LRRC63: variants seen among roughly 807,000 people sequenced by gnomAD.
The protein encoded by LRRC63 is leucine rich repeat containing 63.
A neutral mutation model predicts 49.5 loss-of-function variants in LRRC63; 40 were observed. The ratio of observed to expected loss-of-function variants is 0.81; its 90% CI spans 0.63 to 1.05. The LOEUF is 1.05. LRRC63 is among the 50% of genes least tolerant of loss of function. The pLI, the probability that LRRC63 is intolerant of heterozygous loss-of-function variation, is 0.00. For synonymous variants in LRRC63, 191 were observed against 221.1 expected, an observed-to-expected ratio of 0.86 and a Z score of 1.21; for missense variants, 636 against 663.1, an observed-to-expected ratio of 0.96 and a Z score of 0.45.
At chr13:46,263,608 G>A (rs759131362) in intron 8 of LRRC63, among the ~76,000 whole-genome samples, 8 of 152,084 alleles carry the variant, frequency 5.3e-5, no homozygotes, top group African/African-American at 4.8e-5. Context: ...TCCACTGTTC[G>A]TTGAGACCTT....
intron 2 of LRRC63, among the ~76,000 whole-genome samples, chr13:46,214,175 T>A (rs1474324389): frequency 1.3e-5 from 2 of 152,208 alleles, no homozygotes; most frequent in Non-Finnish European, 2.9e-5. Flanking sequence ...CTGATTTTAG[T>A]TGATTGCAGT....
intron 4 of LRRC63, among the ~76,000 whole-genome samples, chr13:46,231,035 C>A (rs529959713): frequency 7.9e-5 from 12 of 152,284 alleles, no homozygotes; most frequent in African/African-American, 2.4e-4. Flanking sequence ...CAAATAAGTT[C>A]TTCATTTCAA....
chr13:46,252,187 C>T (rs1271208564), intron 7 of LRRC63, among the ~76,000 whole-genome samples: 2 of 151,876 alleles, frequency 1.3e-5, no homozygotes, highest in African/African-American at 2.4e-5. Context: ...TGAAAACTCA[C>T]CAGGAGGGCA....
intron 8 of LRRC63, among the ~76,000 whole-genome samples, chr13:46,264,698 G>T (rs1443548302): frequency 7.0e-6 from 1 of 143,554 alleles, no homozygotes. Flanking sequence ...TGTTCTATGT[G>T]TTTTTCTCTT....
chr13:46,251,177 T>A (rs2047369371), intron 7 of LRRC63, among the ~76,000 whole-genome samples: 1 of 151,846 alleles, frequency 6.6e-6, no homozygotes, highest in Non-Finnish European at 1.5e-5. Context: ...CTTTGCAAAA[T>A]AAGAGTCTTA....
At chr13:46,250,932 G>A (rs2047361832) in intron 7 of LRRC63, among the ~76,000 whole-genome samples, 1 of 151,826 alleles carries the variant, frequency 6.6e-6, no homozygotes, top group African/African-American at 2.4e-5. Context: ...GTAAACTAAG[G>A]AGATTGGCTT....
At chr13:46,240,175 G>A (rs2047019362) in intron 5 of LRRC63, among the ~76,000 whole-genome samples, 1 of 147,922 alleles carries the variant, frequency 6.8e-6, no homozygotes, top group African/African-American at 2.5e-5. Flanking sequence ...TGCCCAGGCT[G>A]GAGTGCAGTG....
intron 8 of LRRC63, among the ~76,000 whole-genome samples, chr13:46,265,586 G>A (rs897564679): frequency 1.3e-5 from 2 of 152,106 alleles, no homozygotes; most frequent in Non-Finnish European, 2.9e-5. Context: ...CTAATCTCAC[G>A]CATGAGGGCT....
chr13:46,213,155 A>G, intron 2 of LRRC63, 36 bp downstream of exon 2: 1 of 1,335,748 alleles, frequency 7.5e-7, no homozygotes, highest in South Asian at 1.3e-5. Context: ...ATTAACATTT[A>G]TGTATCTTTC....
chr13:46,259,678 A>G (rs2047583230), intron 7 of LRRC63, among the ~76,000 whole-genome samples: 1 of 152,228 alleles, frequency 6.6e-6, no homozygotes, highest in African/African-American at 2.4e-5. Context: ...CACATATCTG[A>G]TGAAAAGGGA....
At chr13:46,273,601 TAAAA>T (rs66994107) in intron 9 of LRRC63, among the ~76,000 whole-genome samples, 1 of 109,482 alleles carries the variant, frequency 9.1e-6, no homozygotes, top group Non-Finnish European at 1.9e-5. Context: ...GAATCTGCCT[TAAAA>T]AAAAAAAAAA....
At chr13:46,224,892 G>A (rs2046523648) in intron 2 of LRRC63, among the ~76,000 whole-genome samples, 1 of 152,218 alleles carries the variant, frequency 6.6e-6, no homozygotes, top group Non-Finnish European at 1.5e-5. Flanking sequence ...ATTAGTGAAG[G>A]CTGTGGTGAA....
At chr13:46,269,925 G>T (rs1481430773) in intron 9 of LRRC63, among the ~76,000 whole-genome samples, 1 of 118,662 alleles carries the variant, frequency 8.4e-6, no homozygotes, top group Non-Finnish European at 2.0e-5. Flanking sequence ...ATATATAGTA[G>T]TCATCCCTTA....
At chr13:46,252,379 C>A (rs145246899) in intron 7 of LRRC63, among the ~76,000 whole-genome samples, 1 of 151,932 alleles carries the variant, frequency 6.6e-6, no homozygotes, top group Non-Finnish European at 1.5e-5. Context: ...GATATTCTGG[C>A]TCCATGTAAA....
At chr13:46,239,854 A>T (rs2047004387) in intron 5 of LRRC63, among the ~76,000 whole-genome samples, 1 of 152,242 alleles carries the variant, frequency 6.6e-6, no homozygotes, top group Non-Finnish European at 1.5e-5. Context: ...AACATATGCA[A>T]ATCAATAAAT....
At chr13:46,238,949 A>G (rs1276614126) in intron 5 of LRRC63, among the ~76,000 whole-genome samples, 1 of 152,258 alleles carries the variant, frequency 6.6e-6, no homozygotes, top group African/African-American at 2.4e-5. Context: ...GAGAATAAAA[A>G]TGCAACATAT....
chr13:46,242,244 T>G (rs1406684160), intron 5 of LRRC63, among the ~76,000 whole-genome samples: 3 of 152,284 alleles, frequency 2.0e-5, no homozygotes, highest in East Asian at 3.9e-4. Flanking sequence ...TGTTCTCATT[T>G]ATAAGTGGGA....
chr13:46,232,778 A>G (rs970186180), intron 4 of LRRC63, among the ~76,000 whole-genome samples: 3 of 152,210 alleles, frequency 2.0e-5, no homozygotes, highest in Non-Finnish European at 2.9e-5. Flanking sequence ...TGGTAGAAAG[A>G]AACAGGCAAT....
At chr13:46,270,697 A>G in intron 9 of LRRC63, 1 of 657,142 alleles carries the variant, frequency 1.5e-6, no homozygotes, top group Non-Finnish European at 2.8e-6. Context: ...AAAGGAGAAG[A>G]ACCAGTATCT....
Sources: gnomAD v4.1 joint callset for allele counts (sites outside exome capture counted in the v4.1 genomes callset) on GRCh38, gnomAD v4.1.1 for gene constraint, MANE v1.5 for transcripts, NCBI Gene and HGNC (gene_info 2026-07-23, HGNC 2026-07-21) for gene names.